NKIRAS1: variants seen among roughly 807,000 people sequenced by gnomAD.
NKIRAS1 encodes NFKB inhibitor interacting Ras like 1.
A neutral mutation model predicts 19.8 loss-of-function variants in NKIRAS1; 16 were observed. The ratio of observed to expected loss-of-function variants is 0.81; its 90% CI spans 0.55 to 1.23. The LOEUF (loss-of-function observed/expected upper bound fraction) is 1.23. Ranked by LOEUF, NKIRAS1 falls within the 50% of genes most tolerant of loss-of-function variation. The pLI is 0.00. For synonymous variants in NKIRAS1, 88 were observed against 79.0 expected (o/e 1.11, Z -0.61); for missense variants, 184 against 220.0 (o/e 0.84, Z 1.04).
chr3:23,924,147 A>G (rs1158260191), intron 1 of NKIRAS1: 2 of 152,260 alleles, frequency 1.3e-5, no homozygotes, highest in East Asian at 1.9e-4. Flanking sequence ...ATCAGACAGC[A>G]TGAGTGGTAA....
intron 1 of NKIRAS1, among the ~76,000 whole-genome samples, chr3:23,931,335 A>T (rs1485266125): frequency 6.6e-6 from 1 of 152,196 alleles, no homozygotes; most frequent in African/African-American, 2.4e-5. Flanking sequence ...AATTTGATTA[A>T]GTATGTTCAG....
chr3:23,931,400 C>T (rs1306879002), intron 1 of NKIRAS1, among the ~76,000 whole-genome samples: 2 of 152,188 alleles, frequency 1.3e-5, no homozygotes, highest in Non-Finnish European at 2.9e-5. Flanking sequence ...CAAATATAGT[C>T]GTGGCTCACT....
rs994905026 is a variant in NKIRAS1 at position 23,890,338 on chromosome 3, T to C, written c.*2757A>G. ...AGCATTCCCTCTTCCCCCAACGTTA[T>C]GTTTTTTTGAAATTTTGATGGAAAA... On this transcript the variant is annotated 3_prime_UTR_variant, in exon 5 of 5. Coordinates refer to ENST00000425478, the MANE Select transcript of NKIRAS1 (RefSeq NM_020345.4). 3.9e-5 allele frequency among the ~76,000 whole-genome samples: 6 copies of C among 152,234 alleles called. No individual in the cohort carries two copies. The highest frequency in any genetic ancestry group is 2.1e-4 in the South Asian group (1 of 4,836).
chr3:23,916,889 CG>C lies in NKIRAS1; in HGVS notation c.-246del, dbSNP rs1269388734. ...CCTCCTCTCGCGGAGAGACAGTCGC[CG>C]ACGCTCGCTTAGCCGCCGAGACCTC... On this transcript the variant is annotated 5_prime_UTR_variant, in exon 1 of 5. Transcript: ENST00000425478. 6.5e-6 allele frequency: 1 copy of C among 152,794 alleles called. No homozygotes were observed. The highest frequency in any genetic ancestry group is 2.4e-5 in the African/African-American group (1 of 41,470). The allele number at this position is 152,794 out of a possible 1,614,324, so 9.5% of individuals were successfully genotyped here.
intron 1 of NKIRAS1, among the ~76,000 whole-genome samples, chr3:23,945,843 C>T (rs1208210312): frequency 1.0e-4 from 15 of 150,718 alleles, no homozygotes; most frequent in African/African-American, 3.6e-4. Flanking sequence ...CTCACATGGC[C>T]CGGCCGCGCG....
In NKIRAS1 at chr3:23,926,752, GA is replaced by G. The variant is rs1705221636; in HGVS notation, c.-139-15303del. On this transcript the variant is annotated intron_variant, in intron 1 of 4. Coordinates refer to the NKIRAS1 transcript ENST00000421515. The surrounding 1 kb of genome is among the most constrained non-coding windows in gnomAD (Gnocchi z 4.3). ...TGAACTGCTACAACACCTTTTCTAA[GA>G]AAAAAGGTTTTGGTCGAAAAAGACC... Among the ~76,000 whole-genome samples the G allele has an allele frequency of 6.6e-6, 1 of 152,150 alleles. No homozygotes were observed. Among genetic ancestry groups the G allele is most frequent in the Admixed American group, 6.5e-5 (1 of 15,278 alleles).
chr3:23,918,081 G>A (rs542578077), upstream of NKIRAS1: 1 of 1,574,620 alleles, frequency 6.4e-7, no homozygotes, highest in South Asian at 1.2e-5. Context: ...TTCGAGAAAA[G>A]TTGGAAACCA....
chr3:23,918,709 C>A (rs1357313511), upstream of NKIRAS1: 1 of 1,077,718 alleles, frequency 9.3e-7, no homozygotes, highest in Non-Finnish European at 1.3e-6. Context: ...TTTTACTAAT[C>A]TTGGTGAAGA....
chr3:23,945,998 TC>T (rs1442801484), intron 1 of NKIRAS1: 4 of 627,948 alleles, frequency 6.4e-6, no homozygotes, highest in South Asian at 6.8e-5. Flanking sequence ...TGACCCACAT[TC>T]CCCGGGGCCG....
intron 1 of NKIRAS1, chr3:23,946,268 C>G (rs1263922839): frequency 3.0e-6 from 3 of 985,368 alleles, no homozygotes; most frequent in South Asian, 4.7e-5. Context: ...CCCCAAGGCG[C>G]GGACCCCGCG....
At position 23,926,192 on chromosome 3, in the gene NKIRAS1, C is replaced by T. The variant is rs1166926067; in HGVS notation, c.-139-14742G>A. Among the ~76,000 whole-genome samples the T allele has an allele frequency of 6.6e-6, 1 of 152,156 alleles. No homozygotes were observed. The highest frequency in any genetic ancestry group is 2.4e-5 in the African/African-American group (1 of 41,428). On this transcript the variant is annotated intron_variant, in intron 1 of 4. Transcript: ENST00000421515. The surrounding 1 kb of genome is among the most constrained non-coding windows in gnomAD (Gnocchi z 4.3). ...TCAGCCTCCCAAGTAGCTGGGATTA[C>T]AGGCACCCGCCACCACGCCCAGCTA... is the stretch of plus-strand genomic sequence containing the variant.
chr3:23,917,822 A>T, upstream of NKIRAS1: 1 of 1,582,660 alleles, frequency 6.3e-7, no homozygotes, highest in Non-Finnish European at 8.6e-7. Flanking sequence ...AAAGCGGATG[A>T]TATTTAATAC....
At chr3:23,943,797 CTG>C (rs1425510274) in intron 1 of NKIRAS1, among the ~76,000 whole-genome samples, 1 of 152,176 alleles carries the variant, frequency 6.6e-6, no homozygotes, top group Non-Finnish European at 1.5e-5. Flanking sequence ...GATTAGGGAA[CTG>C]TGTTTAGAAG....
chr3:23,938,316 C>T (rs1034771906), intron 1 of NKIRAS1, among the ~76,000 whole-genome samples: 41 of 151,276 alleles, frequency 2.7e-4, no homozygotes, highest in African/African-American at 9.5e-4. Flanking sequence ...CTCAAACGAT[C>T]CTCCCATCTC....
chr3:23,904,109 G>A (rs1702784119), intron 3 of NKIRAS1, among the ~76,000 whole-genome samples: 1 of 152,172 alleles, frequency 6.6e-6, no homozygotes. Flanking sequence ...AGGCTGCAGT[G>A]AGCTGAGATC....
intron 3 of NKIRAS1, among the ~76,000 whole-genome samples, chr3:23,901,341 T>G (rs1317675450): frequency 2.0e-5 from 3 of 151,994 alleles, no homozygotes; most frequent in African/African-American, 7.2e-5. Flanking sequence ...GGTGCCATCA[T>G]GCCCAGTGAA....
chr3:23,946,137 G>T, intron 1 of NKIRAS1: 2 of 985,162 alleles, frequency 2.0e-6, no homozygotes, highest in South Asian at 4.7e-5. Flanking sequence ...TCCCCCGCGG[G>T]GTTGCACACT....
chr3:23,913,560 A>G (rs1703992323), intron 1 of NKIRAS1, among the ~76,000 whole-genome samples: 1 of 152,228 alleles, frequency 6.6e-6, no homozygotes, highest in Non-Finnish European at 1.5e-5. Context: ...CACATACACA[A>G]AAATACTTTA....
intron 1 of NKIRAS1, among the ~76,000 whole-genome samples, chr3:23,924,649 G>A (rs770154789): frequency 1.2e-4 from 19 of 152,096 alleles, no homozygotes; most frequent in Non-Finnish European, 2.8e-4. Context: ...ATCTGCGCCC[G>A]TCTTGGCCTC....
Sources: gnomAD v4.1 joint callset for allele counts (sites outside exome capture counted in the v4.1 genomes callset) on GRCh38, gnomAD v4.1.1 for gene constraint, Gnocchi (gnomAD v3.1) non-coding constraint, MANE v1.5 for transcripts, NCBI Gene and HGNC (gene_info 2026-07-23, HGNC 2026-07-21) for gene names.